Variants in GPAT4 observed in about 807,000 individuals in gnomAD.
GPAT4 encodes 1-AGP acyltransferase 6.
Under a neutral mutation model 58.0 loss-of-function variants are expected in GPAT4, and 17 were observed. That is an observed-to-expected ratio of 0.29 (90% confidence interval 0.20 to 0.44). The LOEUF (loss-of-function observed/expected upper bound fraction) is 0.44. GPAT4 is among the 20% of genes least tolerant of loss of function. GPAT4 has a pLI of 1.00. For synonymous variants in GPAT4, 204 were observed against 210.1 expected (o/e 0.97, Z 0.25); for missense variants, 377 against 574.5 (o/e 0.66, Z 3.51).
intron 9 of GPAT4, 80 bp downstream of exon 9, chr8:41,614,521 C>A: frequency 7.2e-7 from 1 of 1,384,558 alleles, no homozygotes; most frequent in Non-Finnish European, 1.0e-6. Context: ...GGAACCAAGG[C>A]CCTCAGCCCT....
chr8:41,609,623 G>T (rs375166267), intron 3 of GPAT4, 32 bp from the exon 4 acceptor site: 3 of 1,607,090 alleles, frequency 1.9e-6, no homozygotes, highest in South Asian at 1.1e-5. Context: ...CTCCCCCAGC[G>T]TGCTGCTTGA....
At chr8:41,609,998 C>T (rs914481282) in intron 4 of GPAT4, 43 bp downstream of exon 4, 4 of 1,557,600 alleles carry the variant, frequency 2.6e-6, no homozygotes, top group East Asian at 4.5e-5. Context: ...GCTGCCACCC[C>T]ACGTGGTGCA....
intron 5 of GPAT4, among the ~76,000 whole-genome samples, 200 bp from the exon 6 acceptor site, chr8:41,611,703 A>T (rs940528911): frequency 8.5e-5 from 13 of 152,262 alleles, no homozygotes; most frequent in African/African-American, 2.9e-4. Flanking sequence ...GGGTGGATGT[A>T]AGTGAGTCTC....
chr8:41,623,320 G>A lies in GPAT4; in HGVS notation c.*2319G>A, dbSNP rs1446324439. On this transcript the variant is annotated 3_prime_UTR_variant, in exon 13 of 13. Coordinates refer to ENST00000396987, the MANE Select transcript of GPAT4 (RefSeq NM_178819.4). ...AGAGTATCTGGTTTGGGGTAACCGA[G>A]TTGGTCTTATGGGGCAAAAACTCAA... 6.6e-6 allele frequency: 1 copy of A among 152,234 alleles called. No homozygotes were observed. Among genetic ancestry groups the A allele is most frequent in the Non-Finnish European group, 1.5e-5 (1 of 68,056 alleles). The allele number at this position is 152,234 out of a possible 1,614,324, so 9.4% of individuals were successfully genotyped here.
chr8:41,618,812 G>A lies in GPAT4; in HGVS notation c.1182G>A (p.Glu394=). ...SVWYLPPMTR[E]ADEDAVQFAN... ...GGTACCTGCCTCCCATGACTAGAGA[G>A]GTGAGTGCCTGCCCCAGGCAGGTCT... Residue 394 remains glutamate (E), a splice_region_variant and synonymous_variant, in exon 11 of 13, where the codon GAG becomes GAA. Coordinates refer to ENST00000396987, the MANE Select transcript of GPAT4 (RefSeq NM_178819.4). The A allele has an allele frequency of 6.2e-7, 1 of 1,614,238 alleles. No homozygotes were observed. Among genetic ancestry groups the A allele is most frequent in the East Asian group, 2.2e-5 (1 of 44,888 alleles).
chr8:41,614,155 T>C (rs909409278), intron 8 of GPAT4, among the ~76,000 whole-genome samples: 6 of 152,214 alleles, frequency 3.9e-5, no homozygotes, highest in African/African-American at 7.2e-5. Context: ...GGTGCTCCGA[T>C]GTTCGCACAG....
chr8:41,587,976 C>A (rs115191888), intron 1 of GPAT4, among the ~76,000 whole-genome samples: 2 of 152,206 alleles, frequency 1.3e-5, no homozygotes, highest in African/African-American at 4.8e-5. Flanking sequence ...TCGAATTTCT[C>A]CATTTTACGA....
At position 41,621,078 on chromosome 8, in the gene GPAT4, C is replaced by T. The variant is rs372320398; in HGVS notation, c.*77C>T. ...GCTGGAGTTGCCGCCGCCGCCCCCA[C>T]TGCTGTGTCCTTTCCAGACTCCAGG... On this transcript the variant is annotated 3_prime_UTR_variant, in exon 13 of 13. Coordinates refer to ENST00000396987, the MANE Select transcript of GPAT4 (RefSeq NM_178819.4). 2.0e-6 allele frequency: 3 copies of T among 1,530,738 alleles called. No homozygotes were observed. Among genetic ancestry groups the T allele is most frequent in the Non-Finnish European group, 2.6e-6 (3 of 1,134,640 alleles). 94.8% of individuals were successfully genotyped at this position (1,530,738 alleles called of 1,614,324 possible).
intron 1 of GPAT4, among the ~76,000 whole-genome samples, chr8:41,582,813 A>G (rs189678660): frequency 2.0e-4 from 30 of 152,266 alleles, no homozygotes; most frequent in Admixed American, 2.0e-3. Context: ...ATTTGCCCAC[A>G]TGGATAGAAT....
At chr8:41,594,584 C>A (rs573219253) in intron 1 of GPAT4, among the ~76,000 whole-genome samples, 2 of 137,152 alleles carry the variant, frequency 1.5e-5, no homozygotes, top group Non-Finnish European at 3.0e-5. Flanking sequence ...CTCGCTCTGT[C>A]GCTCAGGCTG....
intron 12 of GPAT4, 34 bp from the exon 13 acceptor site, chr8:41,620,859 T>C: frequency 6.5e-7 from 1 of 1,549,710 alleles, no homozygotes; most frequent in South Asian, 1.2e-5. Flanking sequence ...GGAGCCCTCT[T>C]GGCTGTTACT....
At chr8:41,591,409 A>C (rs971939897) in intron 1 of GPAT4, among the ~76,000 whole-genome samples, 2 of 152,192 alleles carry the variant, frequency 1.3e-5, no homozygotes, top group Non-Finnish European at 2.9e-5. Context: ...AACATTGCGC[A>C]GATTTTAAGG....
rs749180035 is a variant in GPAT4 at position 41,621,272 on chromosome 8, C to T, written c.*271C>T. The T allele has an allele frequency of 4.2e-6, 2 of 481,588 alleles. No individual in the cohort carries two copies. The highest frequency in any genetic ancestry group is 7.5e-6 in the Non-Finnish European group (2 of 265,394). The allele number at this position is 481,588 out of a possible 1,614,324, so 29.8% of individuals were successfully genotyped here. ...TTACAATAAGTCGTTGGAGGAATGC[C>T]ATTAAAGTGAACTCCCCACCTTTGC... On this transcript the variant is annotated 3_prime_UTR_variant, in exon 13 of 13. Transcript: ENST00000396987.
intron 10 of GPAT4, among the ~76,000 whole-genome samples, chr8:41,616,333 G>C (rs1409900645): frequency 6.6e-6 from 1 of 152,216 alleles, no homozygotes; most frequent in Non-Finnish European, 1.5e-5. Flanking sequence ...GTCTCAGTCT[G>C]TCACCCAGGC....
At chr8:41,620,484 A>G (rs1419486663) in intron 12 of GPAT4, among the ~76,000 whole-genome samples, 1 of 152,252 alleles carries the variant, frequency 6.6e-6, no homozygotes, top group African/African-American at 2.4e-5. Flanking sequence ...AATTAAACAA[A>G]TGACATTTTA....
At position 41,612,872 on chromosome 8, in the gene GPAT4, G is replaced by C; in HGVS notation, c.823G>C (p.Gly275Arg). 1 of 1,614,032 alleles carries C rather than the reference G, an allele frequency of 6.2e-7. No individual in the cohort carries two copies. The highest frequency in any genetic ancestry group is 8.5e-7 in the Non-Finnish European group (1 of 1,179,994). ...GGGTCAAGTGCACGGGGGACTCATG[G>C]GTGTGATTCAGAGAGCCATGGTGAA... ...MVGQVHGGLM[G>R]VIQRAMVKAC... Residue 275 changes from glycine to arginine, a missense_variant, in exon 8 of 13, where the codon GGT becomes CGT. Coordinates refer to ENST00000396987, the MANE Select transcript of GPAT4 (RefSeq NM_178819.4).
At chr8:41,618,432 G>T (rs1374528943) in intron 10 of GPAT4, 11 of 542,402 alleles carry the variant, frequency 2.0e-5, no homozygotes, top group Non-Finnish European at 3.6e-5. Context: ...GAAGACATTT[G>T]CTTGAGGCAG....
chr8:41,585,698 A>T (rs919042838), intron 1 of GPAT4, among the ~76,000 whole-genome samples: 58 of 152,260 alleles, frequency 3.8e-4, no homozygotes, highest in Admixed American at 3.8e-3. Flanking sequence ...GAGGTCAGAC[A>T]GCCAGAAGGT....
intron 9 of GPAT4, 99 bp downstream of exon 9, chr8:41,614,540 T>C (rs1803540661): frequency 6.5e-6 from 8 of 1,225,740 alleles, no homozygotes; most frequent in Non-Finnish European, 8.2e-6. Flanking sequence ...CTTGTTGGGG[T>C]TATCTGTTTT....
Sources: gnomAD v4.1 joint callset for allele counts (sites outside exome capture counted in the v4.1 genomes callset) on GRCh38, gnomAD v4.1.1 for gene constraint, MANE v1.5 for transcripts, NCBI Gene and HGNC (gene_info 2026-07-23, HGNC 2026-07-21) for gene names.